The following ABCA2 variants were observed in gnomAD, a reference collection of about 807,000 sequenced individuals.
The protein encoded by ABCA2 is ATP binding cassette subfamily A member 2.
In ABCA2, 84 loss-of-function variants were observed where a neutral mutation model predicts 262.8. That is an observed-to-expected ratio of 0.32 (90% CI 0.27 to 0.38). The LOEUF (loss-of-function observed/expected upper bound fraction) is 0.38, where lower values mean the gene tolerates loss of function less well. Ranked by LOEUF, ABCA2 falls within the 10% of genes least tolerant of loss-of-function variation. ABCA2 has a pLI of 1.00. For missense variants in ABCA2, 2,662 were observed against 3,405.9 expected, an observed-to-expected ratio of 0.78 and a Z score of 5.44; for synonymous variants, 1,696 against 1,502.9, an observed-to-expected ratio of 1.13 and a Z score of -2.97.
In ABCA2 at chr9:137,015,641, G is replaced by A. The variant is rs73668382; in HGVS notation, c.3514+34C>T. 2,704 of 1,610,104 alleles carry A rather than the reference G, an allele frequency of 1.7e-3. 33 individuals carry two copies. In the African/African-American group the frequency reaches 0.029, roughly 17 times the overall value. On this transcript the variant is annotated intron_variant, in intron 23 of 48. Coordinates refer to ENST00000341511, the MANE Select transcript of ABCA2 (RefSeq NM_001606.5). ...AGGGTCAGGGGGCAGGGGAGGCGCC[G>A]CCCGCACCCCTGCCCACACGGCACC... is the stretch of plus-strand genomic sequence containing the variant.
chr9:137,018,159 T>C lies in ABCA2; in HGVS notation c.1993+19A>G, dbSNP rs377597055. ...TCCCCCATGAATCCTCCAGCCGGTC[T>C]TCCGGGCCTGCTCCTCACCCTGGAT... On this transcript the variant is annotated intron_variant, in intron 14 of 48. Coordinates refer to ENST00000341511, the MANE Select transcript of ABCA2 (RefSeq NM_001606.5). 25 of 1,610,982 alleles carry C rather than the reference T, an allele frequency of 1.6e-5. No homozygotes were observed. The highest frequency in any genetic ancestry group is 1.8e-5 in the Non-Finnish European group (21 of 1,179,040).
Position 137,019,160 on chromosome 9 carries a change from C to T in ABCA2, c.1554+18G>A, listed in dbSNP as rs1226050845. ...CCACACCACCCACAGCCGCCTCCCTCGCGGGCACCCTTGGCACCTGCTGCA... is the reference window on the plus strand; with the variant it reads ...CCACACCACCCACAGCCGCCTCCCTTGCGGGCACCCTTGGCACCTGCTGCA... On this transcript the variant is annotated intron_variant, in intron 11 of 48. Transcript: ENST00000341511. This position sits in a 1 kb window ranked among gnomAD's most constrained non-coding sequence, Gnocchi z 4.4. 19 of 1,608,098 alleles carry T rather than the reference C, an allele frequency of 1.2e-5. No homozygotes were observed. The highest frequency in any genetic ancestry group is 6.7e-5 in the East Asian group (3 of 44,756).
chr9:137,023,845 A>C lies in ABCA2; in HGVS notation c.161-5T>G. The C allele has an allele frequency of 1.2e-6, 1 of 821,944 alleles. No individual in the cohort carries two copies. The highest frequency in any genetic ancestry group is 2.1e-6 in the Non-Finnish European group (1 of 467,640). The allele number at this position is 821,944 out of a possible 1,614,324, so 50.9% of individuals were successfully genotyped here. A position where few individuals can be genotyped will look rare whatever the true frequency, so the allele number is the denominator to read the frequency against. ...AGGTGGCCGCTCACTTACAGACTGC[A>C]TGCCAGCCGAGGACAAGAGACCATG... is the stretch of plus-strand genomic sequence containing the variant. On this transcript the variant is annotated splice_polypyrimidine_tract_variant and splice_region_variant and intron_variant, in intron 2 of 48. Coordinates refer to ENST00000341511, the MANE Select transcript of ABCA2 (RefSeq NM_001606.5).
At position 137,019,285 on chromosome 9, in the gene ABCA2, C is replaced by G. The variant is rs1236508883; in HGVS notation, c.1447G>C (p.Val483Leu). The change falls in exon 11 of 49, where the codon GTG becomes CTG. Residue 483 changes from valine to leucine, a missense_variant. Val to Leu is a conservative substitution (Grantham distance 32). Transcript: ENST00000341511. This position sits in a 1 kb window ranked among gnomAD's most constrained non-coding sequence, Gnocchi z 4.4. Reference sequence around the variant, plus strand: ...TGGGCATAGTGAGTCACGTTGCCCACAAAAGCAAAAGTCTCGTTGGCCTGC... The same window carrying G: ...TGGGCATAGTGAGTCACGTTGCCCAGAAAAGCAAAAGTCTCGTTGGCCTGC... ...ILKANETFAF[V>L]GNVTHYAQVW... The G allele has an allele frequency of 6.2e-7, 1 of 1,612,596 alleles. No homozygotes were observed. The highest frequency in any genetic ancestry group is 8.5e-7 in the Non-Finnish European group (1 of 1,179,840).
Position 137,019,138 on chromosome 9 carries a change from C to T in ABCA2, c.1554+40G>A, listed in dbSNP as rs1025605821. On this transcript the variant is annotated intron_variant, in intron 11 of 48. Coordinates refer to ENST00000341511, the MANE Select transcript of ABCA2 (RefSeq NM_001606.5). This position sits in a 1 kb window ranked among gnomAD's most constrained non-coding sequence, Gnocchi z 4.4. ...GAGCCGGGCAGAGAGGGGCTCCCCACACCACCCACAGCCGCCTCCCTCGCG... is the reference window on the plus strand; with the variant it reads ...GAGCCGGGCAGAGAGGGGCTCCCCATACCACCCACAGCCGCCTCCCTCGCG... 3.1e-6 allele frequency: 5 copies of T among 1,604,250 alleles called. No individual in the cohort carries two copies. Among genetic ancestry groups the T allele is most frequent in the South Asian group, 1.1e-5 (1 of 90,652 alleles).
chr9:137,019,873 C>T lies in ABCA2; in HGVS notation c.1425+463G>A, dbSNP rs140502907. On this transcript the variant is annotated intron_variant, in intron 10 of 48. Coordinates refer to ENST00000341511, the MANE Select transcript of ABCA2 (RefSeq NM_001606.5). The surrounding 1 kb of genome is among the most constrained non-coding windows in gnomAD (Gnocchi z 4.4). ...GTCCCTTAAGCACCCAATGCTCCAC[C>T]CTCATCTGTCCCACCCTCATCCTAG... is the stretch of plus-strand genomic sequence containing the variant. 67 of 202,988 alleles carry T rather than the reference C, an allele frequency of 3.3e-4. No individual in the cohort carries two copies. The highest frequency in any genetic ancestry group is 5.6e-4 in the Non-Finnish European group (55 of 98,334). The allele number at this position is 202,988 out of a possible 1,614,324, so 12.6% of individuals were successfully genotyped here. A position where few individuals can be genotyped will look rare whatever the true frequency, so the allele number is the denominator to read the frequency against.
chr9:137,022,093 C>T lies in ABCA2; in HGVS notation c.568-92G>A. On this transcript the variant is annotated intron_variant, in intron 6 of 48. Coordinates refer to ENST00000341511, the MANE Select transcript of ABCA2 (RefSeq NM_001606.5). The stretch of plus-strand genomic sequence containing the variant: ...CTCCGATGGACGTGTGGGGGCGTGG[C>T]TTAGATGGTGGGGGCGTGGCTCAGA... 7.8e-6 allele frequency: 4 copies of T among 509,576 alleles called. No individual in the cohort carries two copies. The South Asian group carries it at 1.0e-4, about 13-fold the overall frequency. 31.6% of individuals were successfully genotyped at this position (509,576 alleles called of 1,614,324 possible).
rs2131457832 is a variant in ABCA2, at chr9:137,019,375, A to C, written c.1426-69T>G. On this transcript the variant is annotated intron_variant, in intron 10 of 48. Transcript: ENST00000341511. This position sits in a 1 kb window ranked among gnomAD's most constrained non-coding sequence, Gnocchi z 4.4. ...CCACCGACTTGGGGGCTCTCACCCCACTCACCTCCCCAGTGGCTGGTCCAT... is the reference window on the plus strand; with the variant it reads ...CCACCGACTTGGGGGCTCTCACCCCCCTCACCTCCCCAGTGGCTGGTCCAT... 1.3e-6 allele frequency: 2 copies of C among 1,555,830 alleles called. No individual in the cohort carries two copies. Among genetic ancestry groups the C allele is most frequent in the African/African-American group, 1.4e-5 (1 of 71,712 alleles).
In ABCA2 at chr9:137,021,927, C is replaced by G. The variant is rs1201947945; in HGVS notation, c.642G>C (p.Trp214Cys). The G allele has an allele frequency of 1.9e-6, 3 of 1,604,748 alleles. No individual in the cohort carries two copies. The African/African-American group carries it at 4.0e-5, about 21-fold the overall frequency. The change falls in exon 7 of 49, where the codon TGG (tryptophan) becomes TGC (cysteine). Residue 214 changes from tryptophan (W) to cysteine (C), a missense_variant. Physicochemically the swap from Trp to Cys is radical, Grantham distance 215 (BLOSUM62 -2). Coordinates refer to ENST00000341511, the MANE Select transcript of ABCA2 (RefSeq NM_001606.5). This position sits in a 1 kb window ranked among gnomAD's most constrained non-coding sequence, Gnocchi z 6.0. Reference sequence around the variant, plus strand: ...ACAGGGGATTGCCCCCTAGGCGGCTCCAGGGCTCCTGACCCTTGTGGAGGC... The same window carrying G: ...ACAGGGGATTGCCCCCTAGGCGGCTGCAGGGCTCCTGACCCTTGTGGAGGC... ...QSGLHKGQEP[W>C]SRLGGNPLFR...
rs750013155 is a variant in ABCA2, at chr9:137,013,947, C to T, written c.4332G>A (p.Leu1444=). The T allele has an allele frequency of 1.2e-6, 2 of 1,612,180 alleles. No homozygotes were observed. Among genetic ancestry groups the T allele is most frequent in the Non-Finnish European group, 1.7e-6 (2 of 1,179,832 alleles). ...WLKVRQFHGL[L]VKRFHCARRN... is the part of the protein sequence containing the mutation. ...GGCGGGCGCAGTGGAAGCGTTTGAC[C>T]AGCAGCCCGTGGAACTGGCGCACCT... Residue 1444 remains leucine (L), a synonymous_variant, in exon 28 of 49, where the codon CTG becomes CTA. Coordinates refer to ENST00000341511, the MANE Select transcript of ABCA2 (RefSeq NM_001606.5).
Position 137,021,080 on chromosome 9 carries a change from G to A in ABCA2, c.898-19C>T, listed in dbSNP as rs1418418719. The A allele has an allele frequency of 1.0e-5, 15 of 1,468,626 alleles. No individual in the cohort carries two copies. Among genetic ancestry groups the A allele is most frequent in the Non-Finnish European group, 1.2e-5 (13 of 1,109,768 alleles). 91.0% of individuals were successfully genotyped at this position (1,468,626 alleles called of 1,614,324 possible). On this transcript the variant is annotated intron_variant, in intron 8 of 48. Transcript: ENST00000341511. The surrounding 1 kb of genome is among the most constrained non-coding windows in gnomAD (Gnocchi z 6.0). ...GGCCCAGCTGAGGGGAAACAGGCAC[G>A]TGGGCAGTGCGGGGTGAGATGGACT...
At chr9:137,008,706 T>C (rs750978788) in intron 47 of ABCA2, 25 bp downstream of exon 47, 79 of 1,566,986 alleles carry the variant, frequency 5.0e-5, no homozygotes, top group Middle Eastern at 1.7e-4. Flanking sequence ...GCAGGTGTGG[T>C]GCGCAGTGCC....
Position 137,011,365 on chromosome 9 carries a change from T to TCC in ABCA2, c.5799+40_5799+41dup. On this transcript the variant is annotated intron_variant, in intron 37 of 48. Transcript: ENST00000341511. The surrounding 1 kb of genome is among the most constrained non-coding windows in gnomAD (Gnocchi z 8.8). ...GGTGGCCGGGGTGAGGGGCACAGCC[T>TCC]CCGCAGGGTCCGCCACCCCCACCAT... is the stretch of plus-strand genomic sequence containing the variant. 1.9e-6 allele frequency: 3 copies of TCC among 1,605,822 alleles called. No homozygotes were observed. Among genetic ancestry groups the TCC allele is most frequent in the Non-Finnish European group, 1.7e-6 (2 of 1,176,170 alleles).
intron 13 of ABCA2, 68 bp downstream of exon 13, chr9:137,018,651 C>A: frequency 1.1e-6 from 1 of 913,178 alleles, no homozygotes; most frequent in Non-Finnish European, 1.4e-6. Flanking sequence ...CACAGGGGGA[C>A]GGGTGGGGCT....
rs1265398009 is a variant in ABCA2, at chr9:137,010,984, C to G, written c.6045G>C (p.Leu2015=). 1 of 1,588,542 alleles carries G rather than the reference C, an allele frequency of 6.3e-7. No homozygotes were observed. The highest frequency in any genetic ancestry group is 8.6e-7 in the Non-Finnish European group (1 of 1,168,940). ...LLTIMCQYNF[L]RRPQRMPVST... ...CGCCCCCCACTCACTGTGGCCGCCG[C>G]AGGAAGTTGTACTGGCACATGATGG... Residue 2015 remains leucine, a synonymous_variant, in exon 39 of 49, where the codon CTG becomes CTC. Coordinates refer to ENST00000341511, the MANE Select transcript of ABCA2 (RefSeq NM_001606.5).
At chr9:137,010,452 C>T in intron 40 of ABCA2, 81 bp from the exon 41 acceptor site, 1 of 1,504,944 alleles carries the variant, frequency 6.6e-7, no homozygotes, top group Non-Finnish European at 8.9e-7. Flanking sequence ...GACCCTGCCC[C>T]ACCTCCAGAG....
Position 137,012,273 on chromosome 9 carries a change from G to A in ABCA2, c.5291C>T (p.Ala1764Val), listed in dbSNP as rs763468431. ...TGCCTATGTCAGCTCACCGTAAGCCGCCGGGTTGCCCTTGCTCTTGGGCAG... is the reference window on the plus strand; with the variant it reads ...TGCCTATGTCAGCTCACCGTAAGCCACCGGGTTGCCCTTGCTCTTGGGCAG... ...ANLPKSKGNPAAYGITVTNHP... is the reference protein window; with the variant it reads ...ANLPKSKGNPVAYGITVTNHP... Residue 1764 changes from alanine (A) to valine (V), a missense_variant, in exon 33 of 49, where the codon GCG (alanine) becomes GTG (valine). Around this residue, in one of 12 missense-constraint regions of ABCA2, gnomAD observed 602 missense variants for 897.4 expected, o/e 0.67. Coordinates refer to ENST00000341511, the MANE Select transcript of ABCA2 (RefSeq NM_001606.5). 7.4e-7 allele frequency: 1 copy of A among 1,354,032 alleles called. No homozygotes were observed. Among genetic ancestry groups the A allele is most frequent in the Non-Finnish European group, 9.8e-7 (1 of 1,018,302 alleles). The allele number at this position is 1,354,032 out of a possible 1,614,324, so 83.9% of individuals were successfully genotyped here.
In ABCA2 at chr9:137,016,058, T is replaced by C; in HGVS notation, c.3221A>G (p.Asn1074Ser). The C allele has an allele frequency of 6.2e-7, 1 of 1,612,540 alleles. No individual in the cohort carries two copies. The highest frequency in any genetic ancestry group is 1.7e-4 in the Middle Eastern group (1 of 6,060). The change falls in exon 22 of 49, where the codon AAT (asparagine) becomes AGT (serine). Residue 1074 changes from asparagine to serine, a missense_variant. This residue lies in a region of ABCA2 where 180 missense variants were observed against 307.3 expected (regional missense o/e 0.59). Transcript: ENST00000341511. ...RKNLGMCPQH[N>S]VLFDRLTVEE... ...CACCGTGAGCCGGTCAAAGAGCACA[T>C]TGTGCTGCGGGCACATGCCCAGGTT...
chr9:137,008,900 G>GCCCCCCCCCCCCCCCAGACCCCC, intron 46 of ABCA2, 32 bp from the exon 47 acceptor site: 1 of 1,555,286 alleles, frequency 6.4e-7, no homozygotes, highest in African/African-American at 1.4e-5. Context: ...GCCTGGCAGC[G>GCCCCCCCCCCCCCCCAGACCCCC]CCCCCCCACC....
Sources: gnomAD v4.1 joint callset for allele counts on GRCh38, gnomAD v4.1.1 for gene constraint, gnomAD v4.1.1 regional missense constraint, Gnocchi (gnomAD v3.1) non-coding constraint, MANE v1.5 for transcripts, NCBI Gene and HGNC (gene_info 2026-07-23, HGNC 2026-07-21) for gene names.